Variants in CADM2 observed in about 807,000 individuals in gnomAD.
CADM2 encodes the protein immunoglobulin superfamily member 4D.
CADM2 carries 12 observed loss-of-function variants against 49.8 expected under a neutral mutation model. The observed-to-expected ratio is 0.24, with a 90% CI of 0.15 to 0.39. The LOEUF (loss-of-function observed/expected upper bound fraction) is 0.39. CADM2 is among the 10% of genes least tolerant of loss of function. CADM2 has a pLI of 1.00. For missense variants in CADM2, 378 were observed against 492.3 expected, an observed-to-expected ratio of 0.77 and a Z score of 2.20; for synonymous variants, 214 against 175.4, an observed-to-expected ratio of 1.22 and a Z score of -1.74.
chr3:85,455,039 T>A (rs2037928650), intron 1 of CADM2, among the ~76,000 whole-genome samples: 2 of 152,216 alleles, frequency 1.3e-5, no homozygotes, highest in East Asian at 3.8e-4. Context: ...ACAAATTAGC[T>A]ATGCTGTGGT....
At chr3:85,872,171 C>G (rs1284020535) in intron 3 of CADM2, among the ~76,000 whole-genome samples, 1 of 152,174 alleles carries the variant, frequency 6.6e-6, no homozygotes, top group African/African-American at 2.4e-5. Flanking sequence ...CTCAAAGATT[C>G]ATATGACAGT....
chr3:85,685,902 G>A (rs777154616), intron 1 of CADM2, among the ~76,000 whole-genome samples: 5 of 152,126 alleles, frequency 3.3e-5, no homozygotes, highest in Non-Finnish European at 7.4e-5. Flanking sequence ...GGGATTACAG[G>A]CATGGGCCAC....
chr3:85,035,252 T>G (rs550929001), intron 1 of CADM2, among the ~76,000 whole-genome samples: 15 of 152,298 alleles, frequency 9.8e-5, no homozygotes, highest in Admixed American at 3.3e-4. Flanking sequence ...TTTTTGCCCA[T>G]TTTTAAATCC....
intron 1 of CADM2, among the ~76,000 whole-genome samples, chr3:85,658,225 A>G (rs1010269424): frequency 6.6e-6 from 1 of 152,062 alleles, no homozygotes; most frequent in African/African-American, 2.4e-5. Context: ...GGACACAAAG[A>G]CATAAACCTA....
At chr3:85,749,730 G>T (rs2068786515) in intron 2 of CADM2, among the ~76,000 whole-genome samples, 1 of 151,906 alleles carries the variant, frequency 6.6e-6, no homozygotes, top group African/African-American at 2.4e-5. Context: ...CATATGCAGA[G>T]GTTCATGAAT....
intron 6 of CADM2, among the ~76,000 whole-genome samples, chr3:85,924,054 A>G (rs1474983051): frequency 6.6e-6 from 1 of 152,214 alleles, no homozygotes; most frequent in African/African-American, 2.4e-5. Flanking sequence ...TTCTCATAAT[A>G]AAAGAAACAT....
chr3:84,986,621 G>A (rs1036113306), intron 1 of CADM2, among the ~76,000 whole-genome samples: 3 of 151,758 alleles, frequency 2.0e-5, no homozygotes, highest in African/African-American at 7.3e-5. Flanking sequence ...GGGGAGCGGG[G>A]AGGGATAGCA....
rs181659604 is a variant in CADM2, at chr3:85,305,186, C to T, written c.61+345518C>T. Among the ~76,000 whole-genome samples the T allele has an allele frequency of 1.7e-3, 263 of 151,334 alleles. 1 individual carries two copies. The highest frequency in any genetic ancestry group is 8.1e-3 in the South Asian group (39 of 4,792). ...TTCTAATAGGAAATATGTTTTTAGTCCTGAAAGCAAGACATTTAATGAATT... is the reference window on the plus strand; with the variant it reads ...TTCTAATAGGAAATATGTTTTTAGTTCTGAAAGCAAGACATTTAATGAATT... On this transcript the variant is annotated intron_variant, in intron 1 of 9. Coordinates refer to ENST00000383699, the MANE Select transcript of CADM2 (RefSeq NM_001167675.2).
At chr3:85,348,261 G>C (rs895908955) in intron 1 of CADM2, among the ~76,000 whole-genome samples, 3 of 152,136 alleles carry the variant, frequency 2.0e-5, no homozygotes, top group Admixed American at 6.6e-5. Context: ...GAAAGGCCAT[G>C]CTTATGTTCT....
chr3:85,431,870 T>TATATATATATATATATATGC (rs1553722715), intron 1 of CADM2, among the ~76,000 whole-genome samples: 3 of 121,470 alleles, frequency 2.5e-5, no homozygotes, highest in African/African-American at 9.2e-5. Context: ...CATATATATA[T>TATATATATATATATATATGC]ATGCCATGCT....
intron 1 of CADM2, among the ~76,000 whole-genome samples, chr3:85,629,142 C>CAT (rs969025238): frequency 3.1e-4 from 47 of 151,144 alleles, no homozygotes; most frequent in African/African-American, 8.0e-4. Context: ...TATATATGGT[C>CAT]ATATATATAT....
intron 3 of CADM2, among the ~76,000 whole-genome samples, chr3:85,857,548 G>T (rs1423148595): frequency 6.6e-6 from 1 of 152,078 alleles, no homozygotes; most frequent in African/African-American, 2.4e-5. Context: ...TGCCGTCATA[G>T]CTCACTGTAT....
intron 1 of CADM2, among the ~76,000 whole-genome samples, chr3:85,017,538 T>C (rs1382512987): frequency 1.3e-5 from 2 of 152,178 alleles, no homozygotes; most frequent in African/African-American, 4.8e-5. Context: ...AAAATTCTTA[T>C]CCTGATGTAA....
chr3:85,535,770 C>G (rs79816017), intron 1 of CADM2, among the ~76,000 whole-genome samples: 4 of 152,054 alleles, frequency 2.6e-5, no homozygotes, highest in Non-Finnish European at 1.5e-5. Flanking sequence ...AAATGTACAG[C>G]ATGACACTGC....
intron 8 of CADM2, among the ~76,000 whole-genome samples, chr3:86,060,415 G>A (rs1559831528): frequency 6.6e-6 from 1 of 152,108 alleles, no homozygotes; most frequent in Non-Finnish European, 1.5e-5. Flanking sequence ...CAGTTGCAAA[G>A]ATAGCTGTAC....
At position 85,000,123 on chromosome 3, in the gene CADM2, T is replaced by TCTCTCTCTCTCTC. The variant is rs1245072900; in HGVS notation, c.61+40456_61+40468dup. Reference sequence around the variant, plus strand: ...ATAGGTTGCTTCTACTTTCTCTCTCTCTCTCTCTCTCTCTCTCTCTCTCTC... The same window carrying TCTCTCTCTCTCTC: ...ATAGGTTGCTTCTACTTTCTCTCTCTCTCTCTCTCTCTCCTCTCTCTCTCTCTCTCTCTCTCTC... On this transcript the variant is annotated intron_variant, in intron 1 of 9. Transcript: ENST00000383699. Among the ~76,000 whole-genome samples the TCTCTCTCTCTCTC allele has an allele frequency of 2.7e-3, 404 of 150,900 alleles. 3 individuals are homozygous for TCTCTCTCTCTCTC. The highest frequency in any genetic ancestry group is 9.6e-3 in the African/African-American group (395 of 40,952).
At chr3:86,021,989 A>G (rs879593520) in intron 8 of CADM2, among the ~76,000 whole-genome samples, 7 of 152,158 alleles carry the variant, frequency 4.6e-5, no homozygotes, top group Admixed American at 2.6e-4. Context: ...CTTTTGCCAC[A>G]CACTCAAAAA....
chr3:85,836,732 A>C (rs1290893022), intron 3 of CADM2, among the ~76,000 whole-genome samples: 1 of 151,634 alleles, frequency 6.6e-6, no homozygotes, highest in Non-Finnish European at 1.5e-5. Flanking sequence ...CTGCATGACT[A>C]AAACTGAAAA....
At chr3:85,843,564 T>A (rs936011762) in intron 3 of CADM2, among the ~76,000 whole-genome samples, 3 of 152,080 alleles carry the variant, frequency 2.0e-5, no homozygotes, top group African/African-American at 7.2e-5. Context: ...TTATATGAGG[T>A]TTTGTAACCA....
Sources: allele counts gnomAD v4.1 joint callset (sites outside exome capture counted in the v4.1 genomes callset), GRCh38; gene constraint gnomAD v4.1.1; transcripts MANE v1.5; gene names NCBI Gene and HGNC (gene_info 2026-07-23, HGNC 2026-07-21).